Variants in UBE3C observed in about 807,000 individuals in gnomAD.
UBE3C encodes the protein ubiquitin-protein ligase E3C.
A neutral mutation model predicts 129.4 loss-of-function variants in UBE3C; 42 were observed. That is an observed-to-expected ratio of 0.32 (90% CI 0.25 to 0.42). UBE3C has a LOEUF of 0.42. UBE3C is among the 10% of genes least tolerant of loss of function. The pLI, the probability that UBE3C is intolerant of heterozygous loss-of-function variation, is 1.00. For missense variants in UBE3C, 1,049 were observed against 1,319.1 expected (o/e 0.80, Z 3.17); for synonymous variants, 510 against 492.4 (o/e 1.04, Z -0.47).
chr7:157,209,698 A>G (rs1284989806), intron 13 of UBE3C, among the ~76,000 whole-genome samples: 1 of 152,164 alleles, frequency 6.6e-6, no homozygotes, highest in Non-Finnish European at 1.5e-5. Context: ...ATCTGTTGAG[A>G]GTTTCATAAT....
At chr7:157,254,639 C>G (rs1796701558) in intron 21 of UBE3C, among the ~76,000 whole-genome samples, 1 of 151,444 alleles carries the variant, frequency 6.6e-6, no homozygotes. Flanking sequence ...CTCAAGTGAT[C>G]CACCCCCCTC....
chr7:157,209,968 C>T (rs1186493375), intron 13 of UBE3C, among the ~76,000 whole-genome samples: 1 of 152,194 alleles, frequency 6.6e-6, no homozygotes, highest in Non-Finnish European at 1.5e-5. Flanking sequence ...ATCACGAGGT[C>T]AGGAGTTTGA....
Position 157,216,879 on chromosome 7 carries a change from C to T in UBE3C, c.1822C>T (p.Leu608=). The part of the protein sequence containing the change: ...WIQLFKVITN[L]VKMLKSRDTR... ...TCTTTCTTTTCAGGTTATCACCAAT[C>T]TAGTGAAAATGTTGAAGTCCAGAGA... Residue 608 remains leucine (L), a synonymous_variant, in exon 14 of 23, where the codon CTA becomes TTA. Coordinates refer to ENST00000348165, the MANE Select transcript of UBE3C (RefSeq NM_014671.3). The T allele has an allele frequency of 6.2e-7, 1 of 1,613,742 alleles. No individual in the cohort carries two copies. Among genetic ancestry groups the T allele is most frequent in the Non-Finnish European group, 8.5e-7 (1 of 1,179,790 alleles).
chr7:157,177,451 C>T (rs1363874521), intron 5 of UBE3C, among the ~76,000 whole-genome samples: 1 of 152,248 alleles, frequency 6.6e-6, no homozygotes, highest in Non-Finnish European at 1.5e-5. Context: ...CAGCACTTCT[C>T]TCTGTTGCAT....
At position 157,226,522 on chromosome 7, in the gene UBE3C, A is replaced by G. The variant is rs1176891046; in HGVS notation, c.2233+983A>G. On this transcript the variant is annotated intron_variant, in intron 17 of 22. Transcript: ENST00000348165. ...AATTAAAAATGAAATCATCTTACCC[A>G]GCTTTTGGAAGGTGATGAGTTGTCC... Among the ~76,000 whole-genome samples the G allele has an allele frequency of 2.0e-5, 3 of 152,216 alleles. No homozygotes were observed. The East Asian group carries it at 5.8e-4, about 29-fold the overall frequency.
At chr7:157,141,630 G>A (rs1385675797) in intron 1 of UBE3C, among the ~76,000 whole-genome samples, 4 of 152,182 alleles carry the variant, frequency 2.6e-5, no homozygotes, top group African/African-American at 7.2e-5. Flanking sequence ...TGGGACCACG[G>A]TGTATATGTG....
In UBE3C at chr7:157,267,777, C is replaced by T. The variant is rs369675419; in HGVS notation, c.*22C>T. ...CTGAAGCTGATGCTGGGGTCAGACC[C>T]CTACAGAGAACCAGTGCTTCCTTCG... On this transcript the variant is annotated 3_prime_UTR_variant, in exon 23 of 23. Coordinates refer to ENST00000348165, the MANE Select transcript of UBE3C (RefSeq NM_014671.3). The T allele has an allele frequency of 7.1e-6, 11 of 1,554,288 alleles. No homozygotes were observed. The highest frequency in any genetic ancestry group is 2.8e-5 in the African/African-American group (2 of 72,070).
In UBE3C at chr7:157,247,921, C is replaced by T. The variant is rs115473644; in HGVS notation, c.2482-447C>T. On this transcript the variant is annotated intron_variant, in intron 18 of 22. Coordinates refer to ENST00000348165, the MANE Select transcript of UBE3C (RefSeq NM_014671.3). ...GTTTGGAAATAGGGTCCAATAGCTG[C>T]GAGGCCTTGTTTGGAAATAGGGTCC... 8.3e-3 allele frequency among the ~76,000 whole-genome samples: 1,263 copies of T among 151,898 alleles called. 12 individuals are homozygous for T. The highest frequency in any genetic ancestry group is 0.02 in the African/African-American group (820 of 41,448).
chr7:157,149,143 G>A (rs1259597328), intron 1 of UBE3C, among the ~76,000 whole-genome samples: 2 of 152,006 alleles, frequency 1.3e-5, no homozygotes, highest in African/African-American at 2.4e-5. Context: ...TGCAACCTCC[G>A]CCTGCCAGGT....
intron 9 of UBE3C, among the ~76,000 whole-genome samples, chr7:157,185,209 T>C (rs1808774246): frequency 6.6e-6 from 1 of 152,250 alleles, no homozygotes; most frequent in South Asian, 2.1e-4. Context: ...GACAGGTTTT[T>C]CCTCGCTGTG....
chr7:157,146,168 G>C (rs554958030), intron 1 of UBE3C, among the ~76,000 whole-genome samples: 47 of 152,214 alleles, frequency 3.1e-4, no homozygotes, highest in African/African-American at 9.9e-4. Context: ...TTTCTGAAAA[G>C]ACATTCCCCA....
intron 1 of UBE3C, 113 bp downstream of exon 1, chr7:157,139,451 G>C: frequency 9.7e-7 from 1 of 1,025,984 alleles, no homozygotes. Flanking sequence ...CTTGGGGCTG[G>C]ATTCGGGGCC....
rs115528542 is a variant in UBE3C at position 157,143,592 on chromosome 7, G to A, written c.66+4254G>A. Among the ~76,000 whole-genome samples, 603 of 152,262 alleles carry A rather than the reference G, an allele frequency of 4.0e-3. 2 individuals are homozygous for A. The highest frequency in any genetic ancestry group is 0.013 in the African/African-American group (558 of 41,546). On this transcript the variant is annotated intron_variant, in intron 1 of 22. Coordinates refer to ENST00000348165, the MANE Select transcript of UBE3C (RefSeq NM_014671.3). ...TTTGATCATAATTACCAGTTTTCAG[G>A]AGAGGAAAGTCTGATTGGCCTGGGT...
intron 17 of UBE3C, among the ~76,000 whole-genome samples, chr7:157,229,476 G>A (rs1356638657): frequency 2.0e-5 from 3 of 151,908 alleles, no homozygotes; most frequent in Non-Finnish European, 1.5e-5. Context: ...CACCACGCCC[G>A]GCTAATTTTT....
In UBE3C at chr7:157,208,055, CTTTTTTTTTTTTTTTTT is replaced by C. The variant is rs35366316; in HGVS notation, c.1809+141_1809+157del. The C allele has an allele frequency of 1.4e-3, 129 of 93,706 alleles. 2 individuals are homozygous for C. Among genetic ancestry groups the C allele is most frequent in the Admixed American group, 4.3e-3 (24 of 5,524 alleles). The allele number at this position is 93,706 out of a possible 1,614,324, so 5.8% of individuals were successfully genotyped here. On this transcript the variant is annotated intron_variant, in intron 13 of 22. Transcript: ENST00000348165. ...TTCAGACATGTTTTAATTTGCAAGACTTTTTTTTTTTTTTTTTTTTTTTTTTTTTTTTTTTTTGATAC... is the reference window on the plus strand; with the variant it reads ...TTCAGACATGTTTTAATTTGCAAGACTTTTTTTTTTTTTTTTTTTTGATAC...
chr7:157,167,075 G>A (rs1296008507), intron 2 of UBE3C, among the ~76,000 whole-genome samples: 4 of 151,908 alleles, frequency 2.6e-5, no homozygotes, highest in African/African-American at 7.3e-5. Context: ...GATTACAGGC[G>A]TGCACCACCA....
At chr7:157,192,983 T>C (rs1216787511) in intron 10 of UBE3C, among the ~76,000 whole-genome samples, 10 of 152,312 alleles carry the variant, frequency 6.6e-5, no homozygotes, top group East Asian at 3.9e-4. Flanking sequence ...CTGTAAATCT[T>C]TTAATTAAAG....
intron 17 of UBE3C, among the ~76,000 whole-genome samples, chr7:157,228,677 G>A (rs755843441): frequency 2.0e-5 from 3 of 152,168 alleles, no homozygotes; most frequent in South Asian, 2.1e-4. Context: ...CAGAGGTGGC[G>A]GGCACGGCAG....
At chr7:157,258,255 A>G (rs1265150711) in intron 22 of UBE3C, among the ~76,000 whole-genome samples, 4 of 152,044 alleles carry the variant, frequency 2.6e-5, no homozygotes, top group Non-Finnish European at 4.4e-5. Flanking sequence ...CCCAGCTGGC[A>G]TTCACCTTCA....
Sources: gnomAD v4.1 joint callset for allele counts (sites outside exome capture counted in the v4.1 genomes callset) on GRCh38, gnomAD v4.1.1 for gene constraint, MANE v1.5 for transcripts, NCBI Gene and HGNC (gene_info 2026-07-23, HGNC 2026-07-21) for gene names.